SYN2: variants seen among roughly 807,000 people sequenced by gnomAD.
The protein encoded by SYN2 is synapsin II, also known as synapsin-2.
Under a neutral mutation model 50.9 loss-of-function variants are expected in SYN2, and 19 were observed. That is an observed-to-expected ratio of 0.37 (90% CI 0.26 to 0.55). The LOEUF is 0.55. SYN2 is among the 20% of genes least tolerant of loss of function. The probability of loss-of-function intolerance (pLI) is 0.81; values close to 1 mark genes in which losing one functional copy is unlikely to be tolerated. For synonymous variants in SYN2, 255 were observed against 224.9 expected (o/e 1.13, Z -1.20); for missense variants, 587 against 576.4 (o/e 1.02, Z -0.19).
intron 10 of SYN2, among the ~76,000 whole-genome samples, chr3:12,176,695 G>T (rs1241981342): frequency 6.6e-6 from 1 of 152,234 alleles, no homozygotes; most frequent in Non-Finnish European, 1.5e-5. Context: ...AAACCAGGAG[G>T]TTGAGGCATT....
At chr3:12,149,045 C>G (rs1410421066) in intron 4 of SYN2, among the ~76,000 whole-genome samples, 1 of 152,168 alleles carries the variant, frequency 6.6e-6, no homozygotes, top group Non-Finnish European at 1.5e-5. Flanking sequence ...ACAGGGACTG[C>G]TGGAGAGGAG....
intron 5 of SYN2, chr3:12,153,786 A>G (rs1356601851): frequency 5.2e-6 from 8 of 1,528,976 alleles, no homozygotes; most frequent in Non-Finnish European, 7.2e-6. Flanking sequence ...TCAGATTCCT[A>G]CGTACCTTTC....
At chr3:12,127,197 G>T (rs1005610272) in intron 1 of SYN2, among the ~76,000 whole-genome samples, 5 of 152,152 alleles carry the variant, frequency 3.3e-5, no homozygotes, top group Admixed American at 6.5e-5. Flanking sequence ...ACTTTTTAGA[G>T]CTTTTGAATG....
At chr3:12,132,766 G>T (rs1359595521) in intron 1 of SYN2, among the ~76,000 whole-genome samples, 1 of 152,154 alleles carries the variant, frequency 6.6e-6, no homozygotes, top group African/African-American at 2.4e-5. Context: ...AGCCCTTTAT[G>T]TTGGGTTTCC....
intron 1 of SYN2, among the ~76,000 whole-genome samples, chr3:12,052,924 C>G (rs1694900253): frequency 6.6e-6 from 1 of 152,182 alleles, no homozygotes; most frequent in Non-Finnish European, 1.5e-5. Context: ...GAGCTTGCTG[C>G]TGGTTCCCAT....
At chr3:12,030,636 T>A (rs1199446317) in intron 1 of SYN2, among the ~76,000 whole-genome samples, 2 of 143,160 alleles carry the variant, frequency 1.4e-5, no homozygotes, top group Admixed American at 1.4e-4. Flanking sequence ...AATGTATCCA[T>A]TTCTTCTAGA....
At chr3:12,183,868 T>A (rs1391048437) in intron 11 of SYN2, 2 of 1,020,074 alleles carry the variant, frequency 2.0e-6, no homozygotes, top group Non-Finnish European at 2.3e-6. Context: ...CTCAGTTAAA[T>A]CCCCCACCTC....
chr3:12,088,554 A>C (rs1470648092), intron 1 of SYN2, among the ~76,000 whole-genome samples: 1 of 152,224 alleles, frequency 6.6e-6, no homozygotes, highest in South Asian at 2.1e-4. Flanking sequence ...TATATATCCA[A>C]AGGATTTGCA....
chr3:12,096,266 G>A (rs561813930), intron 1 of SYN2, among the ~76,000 whole-genome samples: 1 of 152,276 alleles, frequency 6.6e-6, no homozygotes, highest in South Asian at 2.1e-4. Flanking sequence ...CAGGGAAAGA[G>A]ATCTCCTAAA....
intron 1 of SYN2, among the ~76,000 whole-genome samples, chr3:12,089,773 T>C (rs559373577): frequency 7.9e-5 from 12 of 152,212 alleles, no homozygotes; most frequent in African/African-American, 2.4e-4. Flanking sequence ...GGGAAGATAA[T>C]TGGGGAGTCA....
chr3:12,073,714 G>T (rs1281997592), intron 1 of SYN2, among the ~76,000 whole-genome samples: 1 of 152,128 alleles, frequency 6.6e-6, no homozygotes, highest in Non-Finnish European at 1.5e-5. Flanking sequence ...TGTTATAAGT[G>T]CATTGGAGCC....
At chr3:12,160,397 C>A (rs2125235148) in intron 5 of SYN2, among the ~76,000 whole-genome samples, 1 of 152,262 alleles carries the variant, frequency 6.6e-6, no homozygotes, top group Admixed American at 6.5e-5. Context: ...GGCCAGATAC[C>A]CCCAGTATCT....
Position 12,190,363 on chromosome 3 carries a change from A to G in SYN2, c.1614-127A>G. On this transcript the variant is annotated intron_variant, in intron 12 of 12. Coordinates refer to ENST00000621198, the MANE Select transcript of SYN2 (RefSeq NM_133625.6). ...TGGTAGCATGGCCACTTCTGGCATTATCCTCCATCACCTTGGTTTCCCAGG... is the reference window on the plus strand; with the variant it reads ...TGGTAGCATGGCCACTTCTGGCATTGTCCTCCATCACCTTGGTTTCCCAGG... The G allele has an allele frequency of 2.7e-6, 3 of 1,093,240 alleles. No individual in the cohort carries two copies. In the South Asian group the frequency reaches 3.9e-5, roughly 14 times the overall value. The allele number at this position is 1,093,240 out of a possible 1,614,324, so 67.7% of individuals were successfully genotyped here.
At position 12,070,910 on chromosome 3, in the gene SYN2, A is replaced by G. The variant is rs1360278820; in HGVS notation, c.377+65982A>G. On this transcript the variant is annotated intron_variant, in intron 1 of 12. Transcript: ENST00000621198. Reference sequence around the variant, plus strand: ...TGCTATGTTGCCCTGGACTTCGAACAGGAGATGGCCACCGCCGCATCCTCC... The same window carrying G: ...TGCTATGTTGCCCTGGACTTCGAACGGGAGATGGCCACCGCCGCATCCTCC... 8.9e-6 allele frequency: 5 copies of G among 560,966 alleles called. No individual in the cohort carries two copies. The East Asian group carries it at 2.3e-4, about 26-fold the overall frequency. 34.7% of individuals were successfully genotyped at this position (560,966 alleles called of 1,614,324 possible). A position where few individuals can be genotyped will look rare whatever the true frequency, so the allele number is the denominator to read the frequency against.
Position 12,167,264 on chromosome 3 carries a change from G to C in SYN2, c.1011G>C (p.Thr337=), listed in dbSNP as rs1420148278. The change falls in exon 8 of 13, where the codon ACG becomes ACC. Residue 337 remains threonine, a synonymous_variant. Transcript: ENST00000621198. ...MRTSISGNWK[T]NTGSAMLEQI... is the part of the protein sequence containing the mutation. The stretch of plus-strand genomic sequence containing the variant: ...CATCGATCTCAGGGAACTGGAAGAC[G>C]AACACTGGCTCTGCGATGCTGGAGC... 1.2e-6 allele frequency: 2 copies of C among 1,613,054 alleles called. No individual in the cohort carries two copies. The highest frequency in any genetic ancestry group is 3.3e-5 in the Admixed American group (2 of 59,916).
chr3:12,098,681 C>G (rs911737728), intron 1 of SYN2, among the ~76,000 whole-genome samples: 1 of 151,484 alleles, frequency 6.6e-6, no homozygotes, highest in African/African-American at 2.4e-5. Flanking sequence ...GGAAAACAAG[C>G]AACAAAATGT....
intron 11 of SYN2, chr3:12,183,666 T>C (rs898502113): frequency 1.9e-5 from 26 of 1,360,146 alleles, no homozygotes; most frequent in Middle Eastern, 5.5e-4. Context: ...TAACTTGTGA[T>C]TCCAGGGCTG....
chr3:12,010,683 C>T (rs1318452156), intron 1 of SYN2, among the ~76,000 whole-genome samples: 4 of 152,078 alleles, frequency 2.6e-5, no homozygotes, highest in Non-Finnish European at 4.4e-5. Flanking sequence ...GTATTATTTC[C>T]GTGGTTCAGT....
chr3:12,167,422 A>G, intron 8 of SYN2, 114 bp downstream of exon 8: 1 of 1,098,750 alleles, frequency 9.1e-7, no homozygotes, highest in East Asian at 2.6e-5. Context: ...AACCGGACAG[A>G]TAAAACACAA....
Sources: allele counts gnomAD v4.1 joint callset (sites outside exome capture counted in the v4.1 genomes callset), GRCh38; gene constraint gnomAD v4.1.1; transcripts MANE v1.5; gene names NCBI Gene and HGNC (gene_info 2026-07-23, HGNC 2026-07-21).